Variants in NPFFR2 observed in about 807,000 individuals in gnomAD.
NPFFR2 encodes G-protein coupled receptor 74.
In NPFFR2, 15 loss-of-function variants were observed where a neutral mutation model predicts 13.1. That is an observed-to-expected ratio of 1.15 (90% CI 0.77 to 1.76). The LOEUF (loss-of-function observed/expected upper bound fraction) is 1.76. Among genes scored for constraint, NPFFR2 ranks in the 40% most tolerant of loss-of-function variants. NPFFR2 has a pLI of 0.00. For synonymous variants in NPFFR2, 190 were observed against 175.7 expected (o/e 1.08, Z -0.65); for missense variants, 572 against 503.5 (o/e 1.14, Z -1.30).
intron 1 of NPFFR2, among the ~76,000 whole-genome samples, chr4:72,075,916 C>T (rs1720412989): frequency 6.6e-6 from 1 of 151,410 alleles, no homozygotes; most frequent in Non-Finnish European, 1.5e-5. Context: ...ATAGTTGTTA[C>T]TCAAAATAAT....
At chr4:72,127,794 T>C (rs1015076658) in intron 1 of NPFFR2, among the ~76,000 whole-genome samples, 3 of 152,022 alleles carry the variant, frequency 2.0e-5, no homozygotes, top group Non-Finnish European at 4.4e-5. Flanking sequence ...AAAAATAATA[T>C]TCAGGCCACG....
intron 3 of NPFFR2, among the ~76,000 whole-genome samples, chr4:72,143,532 A>G (rs1446664999): frequency 1.3e-5 from 2 of 152,170 alleles, no homozygotes; most frequent in Non-Finnish European, 2.9e-5. Flanking sequence ...TGGGAGGGCA[A>G]TCCACTTTAC....
chr4:72,098,752 A>G (rs1246822970), intron 1 of NPFFR2, among the ~76,000 whole-genome samples: 4 of 152,088 alleles, frequency 2.6e-5, no homozygotes, highest in African/African-American at 9.7e-5. Context: ...ATCTGGGCCA[A>G]CTCTGAGTCT....
rs148538049 is a variant in NPFFR2 at position 72,055,148 on chromosome 4, G to A, written c.-8+22948G>A. ...ACATACAGGTATACCTCATTTGATT[G>A]CACTTTGCTTTATTGTGCTTCACAG... On this transcript the variant is annotated intron_variant, in intron 1 of 3. Coordinates refer to ENST00000308744, the MANE Select transcript of NPFFR2 (RefSeq NM_004885.3). Among the ~76,000 whole-genome samples the A allele has an allele frequency of 1.3e-3, 194 of 151,944 alleles. 1 individual carries two copies. Among genetic ancestry groups the A allele is most frequent in the African/African-American group, 4.1e-3 (172 of 41,524 alleles).
chr4:72,069,666 T>C (rs900934192), intron 1 of NPFFR2, among the ~76,000 whole-genome samples: 6 of 152,042 alleles, frequency 3.9e-5, no homozygotes, highest in Non-Finnish European at 8.8e-5. Flanking sequence ...TTCCATAGAT[T>C]AGAAAAATAT....
intron 1 of NPFFR2, among the ~76,000 whole-genome samples, chr4:72,102,620 G>A (rs1192386129): frequency 2.1e-5 from 3 of 145,780 alleles, no homozygotes; most frequent in Non-Finnish European, 4.5e-5. Context: ...GTGAGAATAT[G>A]CGGTGTTTGT....
rs763741861 is a variant in NPFFR2, at chr4:72,147,629, G to A, written c.1080G>A (p.Met360Ile). ...LQLCQKRAKP[M>I]EAYALKAKSH... Reference sequence around the variant, plus strand: ...TCTGCCAAAAAAGAGCAAAGCCTATGGAAGCTTATGCCCTAAAAGCTAAAA... The same window carrying A: ...TCTGCCAAAAAAGAGCAAAGCCTATAGAAGCTTATGCCCTAAAAGCTAAAA... Residue 360 changes from methionine (M) to isoleucine (I), a missense_variant, in exon 4 of 4, where the codon ATG becomes ATA. Transcript: ENST00000308744. 1 of 1,614,122 alleles carries A rather than the reference G, an allele frequency of 6.2e-7. No individual in the cohort carries two copies. The highest frequency in any genetic ancestry group is 8.5e-7 in the Non-Finnish European group (1 of 1,180,028).
intron 1 of NPFFR2, among the ~76,000 whole-genome samples, chr4:72,091,017 T>C (rs377046531): frequency 6.6e-6 from 1 of 151,918 alleles, no homozygotes; most frequent in African/African-American, 2.4e-5. Context: ...GTTTTAATCA[T>C]AAACGTTAAT....
At chr4:72,111,307 G>A (rs1308645572) in intron 1 of NPFFR2, among the ~76,000 whole-genome samples, 1 of 152,036 alleles carries the variant, frequency 6.6e-6, no homozygotes, top group African/African-American at 2.4e-5. Context: ...TGTATACTGA[G>A]TCCTATTCTG....
At chr4:72,086,589 A>T (rs549156559) in intron 1 of NPFFR2, among the ~76,000 whole-genome samples, 3 of 152,152 alleles carry the variant, frequency 2.0e-5, no homozygotes, top group Non-Finnish European at 4.4e-5. Flanking sequence ...TTATAAGGAA[A>T]TAACTATATG....
intron 1 of NPFFR2, among the ~76,000 whole-genome samples, chr4:72,125,976 A>G (rs1722034775): frequency 6.6e-6 from 1 of 152,230 alleles, no homozygotes; most frequent in South Asian, 2.1e-4. Flanking sequence ...GACAATAAGC[A>G]TTCATTCATT....
At chr4:72,100,408 T>TA (rs1482806946) in intron 1 of NPFFR2, among the ~76,000 whole-genome samples, 1 of 152,112 alleles carries the variant, frequency 6.6e-6, no homozygotes, top group Non-Finnish European at 1.5e-5. Context: ...AAATAGGTGT[T>TA]ACAGTACCTG....
chr4:72,089,832 CT>C (rs1720867569), intron 1 of NPFFR2, among the ~76,000 whole-genome samples: 1 of 151,976 alleles, frequency 6.6e-6, no homozygotes, highest in African/African-American at 2.4e-5. Context: ...TAATTAAGTC[CT>C]ATCTATTTAT....
intron 1 of NPFFR2, among the ~76,000 whole-genome samples, chr4:72,055,624 TAGTG>T (rs1196605665): frequency 6.6e-6 from 1 of 151,914 alleles, no homozygotes; most frequent in Non-Finnish European, 1.5e-5. Flanking sequence ...TAATTAAGCT[TAGTG>T]AGGAAGGCAT....
At chr4:72,104,630 A>G (rs1721362093) in intron 1 of NPFFR2, among the ~76,000 whole-genome samples, 1 of 152,050 alleles carries the variant, frequency 6.6e-6, no homozygotes, top group African/African-American at 2.4e-5. Context: ...GTCCCATGTT[A>G]TAAAGGACTC....
At chr4:72,104,615 G>A (rs1009175511) in intron 1 of NPFFR2, among the ~76,000 whole-genome samples, 4 of 152,060 alleles carry the variant, frequency 2.6e-5, no homozygotes, top group African/African-American at 7.2e-5. Context: ...CTTAAAGCCC[G>A]TTATGTCCCA....
At chr4:72,079,787 G>A (rs1355969366) in intron 1 of NPFFR2, among the ~76,000 whole-genome samples, 1 of 152,182 alleles carries the variant, frequency 6.6e-6, no homozygotes, top group African/African-American at 2.4e-5. Context: ...AGTACTTACA[G>A]CCAGATTAGC....
intron 1 of NPFFR2, among the ~76,000 whole-genome samples, chr4:72,123,453 A>G (rs991573745): frequency 1.3e-5 from 2 of 152,158 alleles, no homozygotes; most frequent in African/African-American, 4.8e-5. Flanking sequence ...CCTGGCAGAG[A>G]CACAACAAAA....
At chr4:72,058,967 C>T (rs913715262) in intron 1 of NPFFR2, among the ~76,000 whole-genome samples, 3 of 152,082 alleles carry the variant, frequency 2.0e-5, no homozygotes, top group African/African-American at 7.2e-5. Context: ...ATAAGCCTAT[C>T]AAGTGCAGTA....
Sources: gnomAD v4.1 joint callset for allele counts (sites outside exome capture counted in the v4.1 genomes callset) on GRCh38, gnomAD v4.1.1 for gene constraint, MANE v1.5 for transcripts, NCBI Gene and HGNC (gene_info 2026-07-23, HGNC 2026-07-21) for gene names.